DDB1: variants seen among roughly 807,000 people sequenced by gnomAD.
DDB1 encodes the protein damage specific DNA binding protein 1, also known as DNA damage-binding protein 1.
A neutral mutation model predicts 133.1 loss-of-function variants in DDB1; 18 were observed. The ratio of observed to expected loss-of-function variants is 0.14; its 90% CI spans 0.09 to 0.20. The LOEUF (loss-of-function observed/expected upper bound fraction) is 0.20. Ranked by LOEUF, DDB1 falls within the 10% of genes least tolerant of loss-of-function variation. The probability of loss-of-function intolerance (pLI) is 1.00; values close to 1 mark genes in which losing one functional copy is unlikely to be tolerated. For missense variants in DDB1, 828 were observed against 1,459.2 expected, an observed-to-expected ratio of 0.57 and a Z score of 7.05; for synonymous variants, 580 against 550.5, an observed-to-expected ratio of 1.05 and a Z score of -0.75.
intron 10 of DDB1, among the ~76,000 whole-genome samples, chr11:61,316,768 A>G (rs1590690683): frequency 6.6e-6 from 1 of 151,280 alleles, no homozygotes; most frequent in East Asian, 2.0e-4. Context: ...CTAAAAATAC[A>G]AAAGAACTTG....
At chr11:61,329,677 A>C in intron 3 of DDB1, 93 bp from the exon 4 acceptor site, 9 of 1,238,528 alleles carry the variant, frequency 7.3e-6, no homozygotes, top group Non-Finnish European at 1.0e-5. Flanking sequence ...ATTTTAGGAG[A>C]GGTATTAAAA....
intron 21 of DDB1, among the ~76,000 whole-genome samples, chr11:61,306,506 G>A (rs1855885228): frequency 2.0e-5 from 3 of 152,034 alleles, no homozygotes; most frequent in Admixed American, 2.0e-4. Flanking sequence ...CCTCCTATAA[G>A]TCTTGATGAC....
chr11:61,321,981 T>C (rs1369658073), intron 9 of DDB1: 3 of 541,648 alleles, frequency 5.5e-6, no homozygotes, highest in Admixed American at 3.2e-5. Flanking sequence ...ATCTGTTAGA[T>C]ACACCTGCCA....
Position 61,326,763 on chromosome 11 carries a change from T to C in DDB1, c.664+16A>G. 6.2e-7 allele frequency: 1 copy of C among 1,610,194 alleles called. No individual in the cohort carries two copies. The highest frequency in any genetic ancestry group is 2.2e-5 in the East Asian group (1 of 44,868). On this transcript the variant is annotated intron_variant, in intron 5 of 26. Coordinates refer to ENST00000301764, the MANE Select transcript of DDB1 (RefSeq NM_001923.5). ...TAGACCCAGGTGGAGGCACATTTCC[T>C]AAACCCCCTACCAACCTGCGATCAC...
At position 61,303,853 on chromosome 11, in the gene DDB1, C is replaced by CA. The variant is rs1007530399; in HGVS notation, c.2832+11dup. The stretch of plus-strand genomic sequence containing the variant: ...AGCAAGAAGTCTGCTCGCATCCCCC[C>CA]ACCAGCATCACCTCTTCAAAGTTTC... On this transcript the variant is annotated intron_variant, in intron 22 of 26. Coordinates refer to ENST00000301764, the MANE Select transcript of DDB1 (RefSeq NM_001923.5). 6.2e-7 allele frequency: 1 copy of CA among 1,613,474 alleles called. No individual in the cohort carries two copies. The highest frequency in any genetic ancestry group is 8.5e-7 in the Non-Finnish European group (1 of 1,179,814).
At chr11:61,325,823 T>C (rs1189984823) in intron 5 of DDB1, 115 bp from the exon 6 acceptor site, 1 of 795,996 alleles carries the variant, frequency 1.3e-6, no homozygotes, top group South Asian at 1.4e-5. Context: ...ATCATTATTT[T>C]AAAAAGGACA....
intron 8 of DDB1, 120 bp from the exon 9 acceptor site, chr11:61,322,532 G>A: frequency 1.3e-6 from 1 of 768,458 alleles, no homozygotes; most frequent in South Asian, 1.6e-5. Flanking sequence ...CCATTCTCAT[G>A]TTCCAAGGGA....
At chr11:61,331,265 A>C (rs1856362073) in intron 2 of DDB1, among the ~76,000 whole-genome samples, 1 of 152,164 alleles carries the variant, frequency 6.6e-6, no homozygotes, top group Non-Finnish European at 1.5e-5. Flanking sequence ...AGAGAGAAAA[A>C]AGAGAAGAGT....
At chr11:61,300,555 T>C (rs1458123131) in intron 26 of DDB1, among the ~76,000 whole-genome samples, 1 of 152,232 alleles carries the variant, frequency 6.6e-6, no homozygotes, top group Non-Finnish European at 1.5e-5. Flanking sequence ...ATCCCAGATA[T>C]GTCTTCACTG....
intron 6 of DDB1, among the ~76,000 whole-genome samples, chr11:61,324,784 T>C (rs924647357): frequency 6.6e-6 from 1 of 152,246 alleles, no homozygotes; most frequent in Admixed American, 6.5e-5. Flanking sequence ...TTGACTTTCT[T>C]AGCCTTTATA....
chr11:61,317,207 G>A (rs570456165), intron 10 of DDB1, among the ~76,000 whole-genome samples: 1 of 151,616 alleles, frequency 6.6e-6, no homozygotes. Context: ...TCCACCTCCC[G>A]GGTTCACACC....
Position 61,300,054 on chromosome 11 carries a change from A to G in DDB1, c.*82T>C. On this transcript the variant is annotated 3_prime_UTR_variant, in exon 27 of 27. Transcript: ENST00000301764. ...CTTAGGGAAAGGCCTCCCATGGCCAAGAAGACGATGGTGGAGAGGAGGGGG... is the reference window on the plus strand; with the variant it reads ...CTTAGGGAAAGGCCTCCCATGGCCAGGAAGACGATGGTGGAGAGGAGGGGG... The G allele has an allele frequency of 1.4e-6, 2 of 1,453,582 alleles. No individual in the cohort carries two copies. The highest frequency in any genetic ancestry group is 9.6e-7 in the Non-Finnish European group (1 of 1,039,002). 90.0% of individuals were successfully genotyped at this position (1,453,582 alleles called of 1,614,324 possible). A position where few individuals can be genotyped will look rare whatever the true frequency, so the allele number is the denominator to read the frequency against.
intron 1 of DDB1, chr11:61,332,648 C>G: frequency 2.6e-6 from 1 of 380,898 alleles, no homozygotes; most frequent in Non-Finnish European, 4.7e-6. Flanking sequence ...CTCTGTCTCA[C>G]TGGGCCCGCC....
chr11:61,309,854 C>A lies in DDB1; in HGVS notation c.2508G>T (p.Val836=), dbSNP rs146448474. ...NTYFIVGTAM[V]YPEEAEPKQG... is the part of the protein sequence containing the mutation. Reference sequence around the variant, plus strand: ...GCTTGGGCTCTGCCTCTTCAGGATACACCATTGCTGTGCCCACAATGAAGT... The same window carrying A: ...GCTTGGGCTCTGCCTCTTCAGGATAAACCATTGCTGTGCCCACAATGAAGT... The change falls in exon 20 of 27, where the codon GTG becomes GTT. Residue 836 remains valine (V), a synonymous_variant. Transcript: ENST00000301764. 6.2e-7 allele frequency: 1 copy of A among 1,614,202 alleles called. No homozygotes were observed. The highest frequency in any genetic ancestry group is 2.2e-5 in the East Asian group (1 of 44,884).
At chr11:61,302,922 G>C in intron 23 of DDB1, 124 bp downstream of exon 23, 2 of 1,274,400 alleles carry the variant, frequency 1.6e-6, no homozygotes, top group Non-Finnish European at 2.2e-6. Context: ...ATTCTCTGAC[G>C]AGGAAAGTTC....
intron 21 of DDB1, among the ~76,000 whole-genome samples, 159 bp downstream of exon 21, chr11:61,308,824 A>T (rs1855915474): frequency 6.6e-6 from 1 of 152,174 alleles, no homozygotes; most frequent in African/African-American, 2.4e-5. Flanking sequence ...GTTCAACCTC[A>T]GTTTCCGAGA....
chr11:61,314,459 A>G lies in DDB1; in HGVS notation c.1438T>C (p.Ser480Pro). 1 of 1,613,194 alleles carries G rather than the reference A, an allele frequency of 6.2e-7. No homozygotes were observed. Among genetic ancestry groups the G allele is most frequent in the Non-Finnish European group, 8.5e-7 (1 of 1,179,742 alleles). Residue 480 changes from serine to proline, a missense_variant, in exon 13 of 27, where the codon TCT (serine) becomes CCT (proline). Transcript: ENST00000301764. Reference sequence around the variant, plus strand: ...CTGACCAGAGCTTTGGGTTCTTGAGAGACCAACCTCACCGATGCTGAAGTG... The same window carrying G: ...CTGACCAGAGCTTTGGGTTCTTGAGGGACCAACCTCACCGATGCTGAAGTG... ...QITSASVRLV[S>P]QEPKALVSEW...
chr11:61,299,862 A>G lies in DDB1; in HGVS notation c.*274T>C, dbSNP rs1855763362. 3 of 519,664 alleles carry G rather than the reference A, an allele frequency of 5.8e-6. No individual in the cohort carries two copies. The East Asian group carries it at 1.0e-4, about 18-fold the overall frequency. The allele number at this position is 519,664 out of a possible 1,614,324, so 32.2% of individuals were successfully genotyped here. A position where few individuals can be genotyped will look rare whatever the true frequency, so the allele number is the denominator to read the frequency against. ...TGCAAAATCCTTCCCCGGAAGGAGG[A>G]CAACTGGCAACACCAATCAAGGCTT... On this transcript the variant is annotated 3_prime_UTR_variant, in exon 27 of 27. Transcript: ENST00000301764.
chr11:61,309,730 C>A, intron 20 of DDB1, 66 bp downstream of exon 20: 1 of 1,558,862 alleles, frequency 6.4e-7, no homozygotes, highest in South Asian at 1.2e-5. Context: ...TCTGAAACCT[C>A]ACAATGGCCT....
Sources: gnomAD v4.1 joint callset for allele counts (sites outside exome capture counted in the v4.1 genomes callset) on GRCh38, gnomAD v4.1.1 for gene constraint, MANE v1.5 for transcripts, NCBI Gene and HGNC (gene_info 2026-07-23, HGNC 2026-07-21) for gene names.